TLK1: variants seen among roughly 807,000 people sequenced by gnomAD.
The protein encoded by TLK1 is tousled like kinase 1, also known as serine/threonine-protein kinase tousled-like 1.
In TLK1, 24 loss-of-function variants were observed where a neutral mutation model predicts 105.3. That is an observed-to-expected ratio of 0.23 (90% CI 0.17 to 0.32). The LOEUF is 0.32. TLK1 is among the 10% of genes least tolerant of loss of function. The pLI is 1.00. For missense variants in TLK1, 558 were observed against 910.5 expected, an observed-to-expected ratio of 0.61 and a Z score of 4.98; for synonymous variants, 321 against 310.4, an observed-to-expected ratio of 1.03 and a Z score of -0.36.
intron 8 of TLK1, among the ~76,000 whole-genome samples, chr2:171,050,784 G>C (rs780925689): frequency 6.6e-6 from 1 of 152,180 alleles, no homozygotes; most frequent in Admixed American, 6.5e-5. Flanking sequence ...CAAAAGATGA[G>C]TCTGATTAGT....
intron 16 of TLK1, 73 bp from the exon 17 acceptor site, chr2:171,006,716 G>T: frequency 6.3e-7 from 1 of 1,592,490 alleles, no homozygotes. Context: ...GGGAAATGGA[G>T]AGTATTTATA....
chr2:171,053,084 T>A (rs975243517), intron 8 of TLK1, among the ~76,000 whole-genome samples: 2 of 152,190 alleles, frequency 1.3e-5, no homozygotes, highest in African/African-American at 2.4e-5. Flanking sequence ...TCTAGATGTA[T>A]TTTTAAATAA....
chr2:170,999,269 TAA>T (rs1375122925), intron 18 of TLK1, among the ~76,000 whole-genome samples: 4 of 152,242 alleles, frequency 2.6e-5, no homozygotes, highest in Non-Finnish European at 5.9e-5. Flanking sequence ...CTAAAATCAT[TAA>T]GATTTCAGCA....
At chr2:171,022,754 A>T (rs1247896638) in intron 12 of TLK1, 1 of 177,724 alleles carries the variant, frequency 5.6e-6, no homozygotes, top group Non-Finnish European at 1.2e-5. Context: ...AATGTCACAT[A>T]TGCAAACTTA....
intron 11 of TLK1, among the ~76,000 whole-genome samples, chr2:171,042,055 C>A (rs1201107225): frequency 6.6e-6 from 1 of 152,160 alleles, no homozygotes; most frequent in Non-Finnish European, 1.5e-5. Flanking sequence ...TAGTACCCAT[C>A]ACTTCATTTG....
At chr2:171,201,904 T>C (rs1001360141) in intron 1 of TLK1, among the ~76,000 whole-genome samples, 4 of 143,426 alleles carry the variant, frequency 2.8e-5, no homozygotes, top group Admixed American at 6.9e-5. Flanking sequence ...CTATCATCTA[T>C]CTATCTATCT....
At chr2:171,106,567 C>T (rs898558938) in intron 2 of TLK1, among the ~76,000 whole-genome samples, 8 of 152,190 alleles carry the variant, frequency 5.3e-5, no homozygotes, top group African/African-American at 1.9e-4. Context: ...GGCAAATATA[C>T]TGCTCTATTT....
intron 2 of TLK1, among the ~76,000 whole-genome samples, chr2:171,108,240 A>T (rs1166095095): frequency 6.6e-6 from 1 of 152,224 alleles, no homozygotes; most frequent in African/African-American, 2.4e-5. Flanking sequence ...ATCTATAGGT[A>T]TAGATTATTT....
At chr2:171,151,372 G>A (rs906600620) in intron 1 of TLK1, among the ~76,000 whole-genome samples, 9 of 151,628 alleles carry the variant, frequency 5.9e-5, no homozygotes, top group East Asian at 1.9e-4. Context: ...CTATAAAGTC[G>A]GGATAATAAC....
intron 2 of TLK1, among the ~76,000 whole-genome samples, chr2:171,099,837 C>A (rs556023325): frequency 6.6e-6 from 1 of 152,250 alleles, no homozygotes; most frequent in East Asian, 1.9e-4. Context: ...CTACCTCATA[C>A]CATATATGCA....
Position 171,148,547 on chromosome 2 carries a change from CAT to C in TLK1, c.139+11741_139+11742del, listed in dbSNP as rs199497765. Among the ~76,000 whole-genome samples, 711 of 152,082 alleles carry C rather than the reference CAT, an allele frequency of 4.7e-3. 8 individuals carry two copies. Among genetic ancestry groups the C allele is most frequent in the African/African-American group, 0.016 (664 of 41,486 alleles). Reference sequence around the variant, plus strand: ...TTTAGGCAATGTTCCGTCATTTGTACATGTTTCCATATTGCACAGTTTTCCTA... The same window carrying C: ...TTTAGGCAATGTTCCGTCATTTGTACGTTTCCATATTGCACAGTTTTCCTA... On this transcript the variant is annotated intron_variant, in intron 1 of 20. Transcript: ENST00000431350.
In TLK1 at chr2:171,160,740, T is replaced by TCGGAGCGCGGG. The variant is rs537930498; in HGVS notation, c.-323_-313dup. ...CGAGGGGGTGCCAGCCGGGCCGGGG[T>TCGGAGCGCGGG]CGGAGCGCGGGCGGAGCGCGGGCTG... On this transcript the variant is annotated 5_prime_UTR_variant, in exon 1 of 21. Coordinates refer to ENST00000431350, the MANE Select transcript of TLK1 (RefSeq NM_012290.5). This position sits in a 1 kb window ranked among gnomAD's most constrained non-coding sequence, Gnocchi z 4.4. The TCGGAGCGCGGG allele has an allele frequency of 6.3e-3, 2,681 of 428,072 alleles. 58 individuals are homozygous for TCGGAGCGCGGG. The highest frequency in any genetic ancestry group is 0.054 in the African/African-American group (2,391 of 44,248). 26.5% of individuals were successfully genotyped at this position (428,072 alleles called of 1,614,324 possible).
intron 1 of TLK1, among the ~76,000 whole-genome samples, chr2:171,184,660 G>A (rs201863641): frequency 0.016 from 2,144 of 132,858 alleles, 61 homozygotes; most frequent in African/African-American, 0.062. Context: ...AAAAAAAAAA[G>A]AAAGAAAACT....
chr2:171,055,203 CAA>C (rs71399594), intron 6 of TLK1, 31 bp from the exon 7 acceptor site: 13,583 of 502,758 alleles, frequency 0.027, no homozygotes, highest in Middle Eastern at 0.045. Context: ...TTTATATTAG[CAA>C]AAAAAAAAAA....
At position 171,007,030 on chromosome 2, in the gene TLK1, C is replaced by T; in HGVS notation, c.1450G>A (p.Val484Met). The T allele has an allele frequency of 6.2e-7, 1 of 1,609,350 alleles. No homozygotes were observed. Among genetic ancestry groups the T allele is most frequent in the Non-Finnish European group, 8.5e-7 (1 of 1,178,884 alleles). The change falls in exon 15 of 21, where the codon GTG becomes ATG. Residue 484 changes from valine (V) to methionine (M), a missense_variant. By Grantham distance (21) the Val-to-Met change is conservative (BLOSUM62 1). Around this residue, in one of 5 missense-constraint regions of TLK1, gnomAD observed 218 missense variants for 492.9 expected, o/e 0.44. Coordinates refer to ENST00000431350, the MANE Select transcript of TLK1 (RefSeq NM_012290.5). ...CTTTTATTAAGCTGATGTATCTTCA[C>T]AGCAGCATATCTTTGTTCATAAAGG... The part of the protein sequence containing the change: ...FDLYEQRYAA[V>M]KIHQLNKSWR...
chr2:171,129,749 G>A (rs1361225377), intron 1 of TLK1, among the ~76,000 whole-genome samples: 1 of 152,032 alleles, frequency 6.6e-6, no homozygotes, highest in Non-Finnish European at 1.5e-5. Context: ...AAGATCACTT[G>A]AGCCCAGGAA....
At chr2:171,023,906 T>C (rs1685652440) in intron 12 of TLK1, among the ~76,000 whole-genome samples, 1 of 152,178 alleles carries the variant, frequency 6.6e-6, no homozygotes. Flanking sequence ...TTCCCATAAT[T>C]AGAACTTATC....
chr2:171,175,827 A>T (rs1692810778), intron 1 of TLK1, among the ~76,000 whole-genome samples: 2 of 152,178 alleles, frequency 1.3e-5, no homozygotes, highest in Non-Finnish European at 2.9e-5. Flanking sequence ...TTGACTGCAC[A>T]TTAGAATCAC....
intron 1 of TLK1, among the ~76,000 whole-genome samples, chr2:171,169,517 T>C (rs1189081393): frequency 6.6e-6 from 1 of 152,196 alleles, no homozygotes; most frequent in East Asian, 1.9e-4. Flanking sequence ...CTTGAATTCC[T>C]GGGTCAAGGA....
Sources: gnomAD v4.1 joint callset for allele counts (sites outside exome capture counted in the v4.1 genomes callset) on GRCh38, gnomAD v4.1.1 for gene constraint, gnomAD v4.1.1 regional missense constraint, Gnocchi (gnomAD v3.1) non-coding constraint, MANE v1.5 for transcripts, NCBI Gene and HGNC (gene_info 2026-07-23, HGNC 2026-07-21) for gene names.